MITF: variants seen among roughly 807,000 people sequenced by gnomAD.
MITF encodes the protein microphthalmia-associated transcription factor.
MITF carries 17 observed loss-of-function variants against 60.5 expected under a neutral mutation model. The observed-to-expected ratio is 0.28, with a 90% CI of 0.19 to 0.42. The LOEUF (loss-of-function observed/expected upper bound fraction) is 0.42, where lower values mean the gene tolerates loss of function less well. Among genes scored for constraint, MITF ranks in the 10% least tolerant of loss-of-function variants. The pLI is 1.00. For missense variants in MITF, 622 were observed against 683.5 expected (o/e 0.91, Z 1.00); for synonymous variants, 260 against 248.5 (o/e 1.05, Z -0.43).
chr3:69,753,319 G>A (rs748831508), intron 1 of MITF, among the ~76,000 whole-genome samples: 4 of 152,230 alleles, frequency 2.6e-5, no homozygotes, highest in Non-Finnish European at 5.9e-5. Flanking sequence ...CTAGATTTCA[G>A]AGGATGTATG....
At chr3:69,825,533 T>G (rs1559654200) in intron 1 of MITF, among the ~76,000 whole-genome samples, 1 of 152,204 alleles carries the variant, frequency 6.6e-6, no homozygotes, top group Non-Finnish European at 1.5e-5. Context: ...TGCAAAGTGA[T>G]AATATCTACA....
In MITF at chr3:69,968,231, TC is replaced by T. The variant is rs2066738576; in HGVS notation, c.*2984del. The T allele has an allele frequency of 4.3e-6, 1 of 232,632 alleles. No individual in the cohort carries two copies. Among genetic ancestry groups the T allele is most frequent in the Non-Finnish European group, 8.5e-6 (1 of 117,406 alleles). The allele number at this position is 232,632 out of a possible 1,614,324, so 14.4% of individuals were successfully genotyped here. The stretch of plus-strand genomic sequence containing the variant: ...CCTGCTGTTGGATGCAGCAATAATT[TC>T]TGTATGGTCCATAGCACTGTATATT... On this transcript the variant is annotated 3_prime_UTR_variant, in exon 10 of 10. Coordinates refer to ENST00000352241, the MANE Select transcript of MITF (RefSeq NM_001354604.2).
chr3:69,861,760 G>T (rs963193614), intron 1 of MITF, among the ~76,000 whole-genome samples: 3 of 152,144 alleles, frequency 2.0e-5, no homozygotes, highest in Admixed American at 1.3e-4. Flanking sequence ...TAAATGTTTG[G>T]ATTGAAGGGC....
intron 2 of MITF, among the ~76,000 whole-genome samples, chr3:69,926,871 C>T (rs1259784725): frequency 6.6e-6 from 1 of 152,134 alleles, no homozygotes; most frequent in Non-Finnish European, 1.5e-5. Flanking sequence ...TGAAACAAGG[C>T]GAATTTCACC....
chr3:69,841,841 A>G (rs2063642650), intron 1 of MITF, among the ~76,000 whole-genome samples: 1 of 152,210 alleles, frequency 6.6e-6, no homozygotes, highest in Admixed American at 6.5e-5. Flanking sequence ...GTGGTGTTAT[A>G]TGTACGAAGA....
chr3:69,849,643 T>C (rs925809980), intron 1 of MITF, among the ~76,000 whole-genome samples: 37 of 152,188 alleles, frequency 2.4e-4, no homozygotes, highest in Admixed American at 2.4e-3. Flanking sequence ...AGCTTGGAAT[T>C]GAGGCTAGTA....
At chr3:69,799,763 A>G (rs2062887473) in intron 1 of MITF, among the ~76,000 whole-genome samples, 1 of 152,102 alleles carries the variant, frequency 6.6e-6, no homozygotes, top group Admixed American at 6.5e-5. Context: ...CTCATTGTTT[A>G]AAGTTTCCAG....
intron 1 of MITF, among the ~76,000 whole-genome samples, chr3:69,800,729 C>A (rs905935594): frequency 2.0e-4 from 30 of 152,086 alleles, no homozygotes; most frequent in Admixed American, 2.0e-3. Context: ...GTTCCTCCCC[C>A]CTTTTCATTT....
intron 2 of MITF, among the ~76,000 whole-genome samples, chr3:69,927,676 T>C (rs542457948): frequency 6.6e-6 from 1 of 152,192 alleles, no homozygotes; most frequent in African/African-American, 2.4e-5. Context: ...GGCTGTTTTG[T>C]CCCCAGGAGG....
Position 69,739,659 on chromosome 3 carries a change from C to T in MITF, c.62C>T (p.Pro21Leu). ...FEVGEEFHEE[P>L]KTYYELKSQP... The stretch of plus-strand genomic sequence containing the variant: ...GTCGGGGAGGAGTTTCATGAAGAGC[C>T]CAAAACCTATTACGAACTCAAAAGT... Residue 21 changes from proline (P) to leucine (L), a missense_variant, in exon 1 of 10, where the codon CCC (proline) becomes CTC (leucine). Coordinates refer to ENST00000352241, the MANE Select transcript of MITF (RefSeq NM_001354604.2). 1.3e-6 allele frequency: 2 copies of T among 1,583,762 alleles called. No homozygotes were observed. Among genetic ancestry groups the T allele is most frequent in the South Asian group, 1.2e-5 (1 of 86,644 alleles).
intron 1 of MITF, among the ~76,000 whole-genome samples, chr3:69,820,768 A>G (rs1477228323): frequency 6.6e-6 from 1 of 152,136 alleles, no homozygotes; most frequent in Non-Finnish European, 1.5e-5. Flanking sequence ...CCTGCCCAAC[A>G]CTCTGCACTT....
At chr3:69,949,225 A>C in intron 6 of MITF, 57 bp downstream of exon 6, 1 of 1,343,916 alleles carries the variant, frequency 7.4e-7, no homozygotes, top group South Asian at 1.2e-5. Flanking sequence ...TCCTGATAAG[A>C]CAAAGTTATT....
At chr3:69,871,465 C>G (rs2064235364) in intron 1 of MITF, among the ~76,000 whole-genome samples, 1 of 152,156 alleles carries the variant, frequency 6.6e-6, no homozygotes, top group African/African-American at 2.4e-5. Flanking sequence ...AGGTACTTTA[C>G]CAAACAAGTG....
At chr3:69,952,973 A>C (rs1391749214) in intron 7 of MITF, among the ~76,000 whole-genome samples, 3 of 152,320 alleles carry the variant, frequency 2.0e-5, no homozygotes, top group Middle Eastern at 3.4e-3. Context: ...TCCTATCATA[A>C]GCAATGCCAC....
chr3:69,785,277 CA>C (rs1279419510), intron 1 of MITF, among the ~76,000 whole-genome samples: 3 of 151,940 alleles, frequency 2.0e-5, no homozygotes, highest in East Asian at 1.9e-4. Context: ...CAGCAAGCAG[CA>C]GCAGCAGCAG....
chr3:69,875,790 T>A (rs1247632635), intron 1 of MITF, among the ~76,000 whole-genome samples: 4 of 152,228 alleles, frequency 2.6e-5, no homozygotes, highest in Non-Finnish European at 5.9e-5. Flanking sequence ...AATTGCAGAT[T>A]CAGTTACTTC....
rs774249941 is a variant in MITF, at chr3:69,964,866, G to A, written c.1199G>A (p.Arg400Gln). 2.5e-5 allele frequency: 40 copies of A among 1,613,850 alleles called. No homozygotes were observed. The East Asian group carries it at 3.1e-4, about 13-fold the overall frequency. ...LRIQELEMQA[R>Q]AHGLSLIPST... ...TTATAGGAACTTGAAATGCAGGCTC[G>A]AGCTCATGGACTTTCCCTTATTCCA... Residue 400 changes from arginine to glutamine, a missense_variant, in exon 10 of 10, where the codon CGA (arginine) becomes CAA (glutamine). Physicochemically the swap from Arg to Gln is conservative, Grantham distance 43 (BLOSUM62 1). Transcript: ENST00000352241.
rs559188457 is a variant in MITF, at chr3:69,740,828, T to TG, written c.104+1130dup. Among the ~76,000 whole-genome samples, 4 of 152,210 alleles carry TG rather than the reference T, an allele frequency of 2.6e-5. No individual in the cohort carries two copies. In the South Asian group the frequency reaches 8.3e-4, roughly 32 times the overall value. ...TCGCTGTGGATGGGGCCTGGGTGAATGGGCCTGGCTGGCAGAGTGGGAGAG... is the reference window on the plus strand; with the variant it reads ...TCGCTGTGGATGGGGCCTGGGTGAATGGGGCCTGGCTGGCAGAGTGGGAGAG... On this transcript the variant is annotated intron_variant, in intron 1 of 9. Transcript: ENST00000352241.
chr3:69,958,690 A>G (rs557928799), intron 8 of MITF, among the ~76,000 whole-genome samples: 1 of 152,278 alleles, frequency 6.6e-6, no homozygotes, highest in African/African-American at 2.4e-5. Flanking sequence ...GTAGTTTTAG[A>G]AACCTATAAC....
Sources: gnomAD v4.1 joint callset for allele counts (sites outside exome capture counted in the v4.1 genomes callset) on GRCh38, gnomAD v4.1.1 for gene constraint, MANE v1.5 for transcripts, NCBI Gene and HGNC (gene_info 2026-07-23, HGNC 2026-07-21) for gene names.